The following BARX2 variants were observed in gnomAD, a reference collection of about 807,000 sequenced individuals.
BARX2 encodes the protein BARX homeobox 2, also known as homeobox protein BarH-like 2.
A neutral mutation model predicts 25.5 loss-of-function variants in BARX2; 11 were observed. The observed-to-expected ratio is 0.43, with a 90% CI of 0.27 to 0.71. The LOEUF is 0.71. BARX2 is among the 30% of genes least tolerant of loss of function. BARX2 has a pLI of 0.19. For synonymous variants in BARX2, 137 were observed against 149.5 expected (o/e 0.92, Z 0.61); for missense variants, 360 against 359.9 (o/e 1.00, Z 0.00).
At chr11:129,446,334 G>C (rs896921804) in intron 3 of BARX2, among the ~76,000 whole-genome samples, 1 of 152,132 alleles carries the variant, frequency 6.6e-6, no homozygotes, top group South Asian at 2.1e-4. Context: ...TCTTTCTCAT[G>C]AAAAGTCCCC....
intron 1 of BARX2, among the ~76,000 whole-genome samples, chr11:129,429,695 T>C (rs1333208284): frequency 6.6e-6 from 1 of 152,136 alleles, no homozygotes; most frequent in Non-Finnish European, 1.5e-5. Context: ...ATTAGTTCAG[T>C]AGAACAGGAC....
At chr11:129,443,159 T>C (rs1862283557) in intron 3 of BARX2, among the ~76,000 whole-genome samples, 1 of 152,176 alleles carries the variant, frequency 6.6e-6, no homozygotes, top group Non-Finnish European at 1.5e-5. Context: ...GAAAAAAAGC[T>C]TACAGGCTTT....
chr11:129,397,295 A>G lies in BARX2; in HGVS notation c.187+21073A>G, dbSNP rs867261440. Among the ~76,000 whole-genome samples the G allele has an allele frequency of 2.6e-4, 40 of 152,146 alleles. 1 individual carries two copies. The highest frequency in any genetic ancestry group is 5.2e-4 in the Admixed American group (8 of 15,270). Reference sequence around the variant, plus strand: ...ACCCTGTCTCCAAAAAAAAAAAAAAAATTCAGAGATGAAAAGTGCTAAGAA... The same window carrying G: ...ACCCTGTCTCCAAAAAAAAAAAAAAGATTCAGAGATGAAAAGTGCTAAGAA... On this transcript the variant is annotated intron_variant, in intron 1 of 3. Coordinates refer to ENST00000281437, the MANE Select transcript of BARX2 (RefSeq NM_003658.5).
intron 1 of BARX2, among the ~76,000 whole-genome samples, chr11:129,382,324 A>G (rs751625489): frequency 2.0e-4 from 30 of 152,044 alleles, no homozygotes; most frequent in Non-Finnish European, 3.8e-4. Context: ...GACTACAGAC[A>G]TGTGCCACCA....
chr11:129,406,951 C>A (rs1861836795), intron 1 of BARX2, among the ~76,000 whole-genome samples: 1 of 152,206 alleles, frequency 6.6e-6, no homozygotes, highest in African/African-American at 2.4e-5. Flanking sequence ...GAGTTGGAAG[C>A]ACTTAGTGGG....
chr11:129,415,408 G>C (rs1359725403), intron 1 of BARX2, among the ~76,000 whole-genome samples: 2 of 151,654 alleles, frequency 1.3e-5, no homozygotes, highest in Admixed American at 6.6e-5. Flanking sequence ...AGGATGCCAT[G>C]GGGGGATACT....
intron 3 of BARX2, 134 bp downstream of exon 3, chr11:129,443,053 C>A: frequency 2.8e-6 from 2 of 722,942 alleles, no homozygotes; most frequent in African/African-American, 1.7e-5. Flanking sequence ...TGCTGGCTTG[C>A]GGGGAAGCTG....
chr11:129,416,263 G>T lies in BARX2; in HGVS notation c.188-20488G>T, dbSNP rs144728116. Among the ~76,000 whole-genome samples, 749 of 152,314 alleles carry T rather than the reference G, an allele frequency of 4.9e-3. 3 individuals carry two copies. Among genetic ancestry groups the T allele is most frequent in the African/African-American group, 0.017 (722 of 41,560 alleles). ...AATCGTGTCGTAGATTGTTGACCTA[G>T]CCTTGACACTCAGTGGTTGTTGAGG... On this transcript the variant is annotated intron_variant, in intron 1 of 3. Transcript: ENST00000281437.
At chr11:129,402,531 TA>T (rs1319596487) in intron 1 of BARX2, among the ~76,000 whole-genome samples, 1 of 151,838 alleles carries the variant, frequency 6.6e-6, no homozygotes, top group South Asian at 2.1e-4. Flanking sequence ...TCCCCATCTG[TA>T]AAAAAAAGGG....
chr11:129,413,948 C>T (rs1304501282), intron 1 of BARX2, among the ~76,000 whole-genome samples: 1 of 152,006 alleles, frequency 6.6e-6, no homozygotes, highest in Non-Finnish European at 1.5e-5. Context: ...CGCCTGTATT[C>T]CCAGCTACTG....
intron 1 of BARX2, among the ~76,000 whole-genome samples, chr11:129,410,053 A>G (rs967991604): frequency 6.6e-6 from 1 of 152,182 alleles, no homozygotes; most frequent in Non-Finnish European, 1.5e-5. Flanking sequence ...TATTGATGGT[A>G]CCTTTTTACA....
At chr11:129,398,573 G>A (rs781328068) in intron 1 of BARX2, among the ~76,000 whole-genome samples, 13 of 152,226 alleles carry the variant, frequency 8.5e-5, no homozygotes, top group Non-Finnish European at 1.8e-4. Context: ...CTAATTGAGA[G>A]TTTAAACATT....
intron 1 of BARX2, among the ~76,000 whole-genome samples, chr11:129,415,360 G>A (rs1861933651): frequency 6.6e-6 from 1 of 152,128 alleles, no homozygotes; most frequent in Admixed American, 6.5e-5. Context: ...GAAGCCATCG[G>A]GAAAAGCCTT....
At chr11:129,401,329 A>G (rs1471895030) in intron 1 of BARX2, among the ~76,000 whole-genome samples, 4 of 152,242 alleles carry the variant, frequency 2.6e-5, no homozygotes, top group African/African-American at 9.6e-5. Flanking sequence ...AGCTTAAAGC[A>G]AAGTATAGAC....
chr11:129,431,894 T>C (rs1758242969), intron 1 of BARX2, among the ~76,000 whole-genome samples: 1 of 151,884 alleles, frequency 6.6e-6, no homozygotes, highest in Non-Finnish European at 1.5e-5. Flanking sequence ...TTTCTAAAAA[T>C]TTTATAGGTT....
intron 1 of BARX2, among the ~76,000 whole-genome samples, chr11:129,421,981 T>G (rs1315610548): frequency 6.6e-6 from 1 of 152,178 alleles, no homozygotes; most frequent in African/African-American, 2.4e-5. Context: ...TCTTAGAATG[T>G]CAGTTAAATG....
At position 129,451,801 on chromosome 11, in the gene BARX2, C is replaced by T; in HGVS notation, c.*399C>T. 2 of 167,260 alleles carry T rather than the reference C, an allele frequency of 1.2e-5. No homozygotes were observed. The highest frequency in any genetic ancestry group is 1.3e-5 in the Non-Finnish European group (1 of 78,526). The allele number at this position is 167,260 out of a possible 1,614,324, so 10.4% of individuals were successfully genotyped here. Reference sequence around the variant, plus strand: ...TCATCAAAGCAGAGAGACGTGGCGGCATGTGGGCAGCATGCCCAGGTTCCT... The same window carrying T: ...TCATCAAAGCAGAGAGACGTGGCGGTATGTGGGCAGCATGCCCAGGTTCCT... On this transcript the variant is annotated 3_prime_UTR_variant, in exon 4 of 4. Coordinates refer to ENST00000281437, the MANE Select transcript of BARX2 (RefSeq NM_003658.5).
chr11:129,443,508 G>A (rs2135415588), intron 3 of BARX2, among the ~76,000 whole-genome samples: 1 of 152,310 alleles, frequency 6.6e-6, no homozygotes, highest in East Asian at 1.9e-4. Flanking sequence ...GTTAAATGCA[G>A]AACTCTAGGC....
intron 1 of BARX2, among the ~76,000 whole-genome samples, chr11:129,407,192 T>C (rs1256488179): frequency 6.6e-6 from 1 of 152,206 alleles, no homozygotes; most frequent in Non-Finnish European, 1.5e-5. Context: ...TCTGCTTGAA[T>C]ACGGCTGGTG....
Sources: gnomAD v4.1 joint callset for allele counts (sites outside exome capture counted in the v4.1 genomes callset) on GRCh38, gnomAD v4.1.1 for gene constraint, MANE v1.5 for transcripts, NCBI Gene and HGNC (gene_info 2026-07-23, HGNC 2026-07-21) for gene names.